The following LRP1B variants were observed in gnomAD, a reference collection of about 807,000 sequenced individuals.
LRP1B encodes low-density lipoprotein receptor-related protein 1B.
A neutral mutation model predicts 556.6 loss-of-function variants in LRP1B; 217 were observed. That is an observed-to-expected ratio of 0.39 (90% CI 0.35 to 0.44). The LOEUF (loss-of-function observed/expected upper bound fraction) is 0.44. Ranked by LOEUF, LRP1B falls within the 20% of genes least tolerant of loss-of-function variation. LRP1B has a pLI of 1.00. For synonymous variants in LRP1B, 2,047 were observed against 1,865.8 expected (o/e 1.10, Z -2.50); for missense variants, 5,053 against 5,620.8 (o/e 0.90, Z 3.23).
At chr2:142,069,994 C>T (rs1414977120) in intron 1 of LRP1B, among the ~76,000 whole-genome samples, 1 of 151,704 alleles carries the variant, frequency 6.6e-6, no homozygotes. Context: ...AGTGAGCCAT[C>T]ATAATTTAAT....
chr2:141,526,533 A>G (rs896555071), intron 2 of LRP1B, among the ~76,000 whole-genome samples: 2 of 152,002 alleles, frequency 1.3e-5, no homozygotes, highest in African/African-American at 2.4e-5. Context: ...TTTCCATTTT[A>G]TTCTTCCTCT....
intron 2 of LRP1B, among the ~76,000 whole-genome samples, chr2:141,493,794 G>A (rs958381474): frequency 6.6e-6 from 1 of 152,122 alleles, no homozygotes; most frequent in African/African-American, 2.4e-5. Flanking sequence ...AAACTGCATA[G>A]AGGAACTGTA....
intron 1 of LRP1B, among the ~76,000 whole-genome samples, chr2:142,030,703 A>C (rs1401825514): frequency 6.6e-6 from 1 of 151,842 alleles, no homozygotes; most frequent in African/African-American, 2.4e-5. Flanking sequence ...CAAGTAAAAT[A>C]AAGTTGTCTG....
Position 141,052,213 on chromosome 2 carries a change from C to T in LRP1B, c.1552+2903G>A, listed in dbSNP as rs555017204. On this transcript the variant is annotated intron_variant, in intron 10 of 90. Coordinates refer to ENST00000389484, the MANE Select transcript of LRP1B (RefSeq NM_018557.3). Reference sequence around the variant, plus strand: ...TGCCCTCATAGCCTCTCAGTGTCTACCTGATGTCAAGGGCATTTCTTTTAA... The same window carrying T: ...TGCCCTCATAGCCTCTCAGTGTCTATCTGATGTCAAGGGCATTTCTTTTAA... Among the ~76,000 whole-genome samples the T allele has an allele frequency of 1.8e-3, 267 of 151,984 alleles. 1 individual carries two copies. The highest frequency in any genetic ancestry group is 2.7e-3 in the Admixed American group (41 of 15,228).
At chr2:140,378,352 C>T in intron 67 of LRP1B, 66 bp from the exon 68 acceptor site, 1 of 817,628 alleles carries the variant, frequency 1.2e-6, no homozygotes, top group Non-Finnish European at 2.0e-6. Context: ...ATTTATATGA[C>T]ATATGACATG....
At chr2:140,898,452 G>A (rs1694011594) in intron 23 of LRP1B, 2 of 198,598 alleles carry the variant, frequency 1.0e-5, no homozygotes, top group Non-Finnish European at 2.1e-5. Context: ...GTACTCAAGT[G>A]GAATGGGCAC....
chr2:141,909,385 G>C (rs1042116460), intron 1 of LRP1B, among the ~76,000 whole-genome samples: 1 of 152,010 alleles, frequency 6.6e-6, no homozygotes, highest in Non-Finnish European at 1.5e-5. Context: ...ATGCTTAATT[G>C]TTAGATTCCT....
chr2:141,855,613 A>G (rs945706514), intron 1 of LRP1B, among the ~76,000 whole-genome samples: 1 of 152,112 alleles, frequency 6.6e-6, no homozygotes, highest in African/African-American at 2.4e-5. Context: ...TAATAAGCCT[A>G]TGCCACAATT....
chr2:140,893,126 A>G (rs1362528894), intron 23 of LRP1B, among the ~76,000 whole-genome samples: 1 of 152,132 alleles, frequency 6.6e-6, no homozygotes, highest in Non-Finnish European at 1.5e-5. Flanking sequence ...GGAAGTGAGG[A>G]GTGTAATCAA....
chr2:141,001,647 A>T (rs1487426851), intron 15 of LRP1B, among the ~76,000 whole-genome samples: 1 of 152,082 alleles, frequency 6.6e-6, no homozygotes, highest in African/African-American at 2.4e-5. Flanking sequence ...CCTGCGGCAC[A>T]GACTATAAGG....
intron 77 of LRP1B, among the ~76,000 whole-genome samples, chr2:140,343,446 C>T (rs948152134): frequency 7.3e-5 from 11 of 151,368 alleles, no homozygotes; most frequent in African/African-American, 2.4e-4. Context: ...TGAAGATGAC[C>T]GCTAAGACAT....
intron 41 of LRP1B, among the ~76,000 whole-genome samples, chr2:140,643,143 AAATG>A (rs1426783766): frequency 6.6e-6 from 1 of 152,172 alleles, no homozygotes; most frequent in African/African-American, 2.4e-5. Flanking sequence ...ATTATAAAAT[AAATG>A]AAATTGTTCC....
At chr2:140,415,789 C>A (rs922491973) in intron 66 of LRP1B, among the ~76,000 whole-genome samples, 1 of 151,918 alleles carries the variant, frequency 6.6e-6, no homozygotes, top group Non-Finnish European at 1.5e-5. Flanking sequence ...ACTCTCTTGT[C>A]TTTTGCCACA....
At chr2:141,123,299 C>A (rs75681703) in intron 7 of LRP1B, among the ~76,000 whole-genome samples, 1 of 150,304 alleles carries the variant, frequency 6.7e-6, no homozygotes, top group South Asian at 2.1e-4. Flanking sequence ...ACAACAGTTT[C>A]TTTGCTTTGG....
intron 3 of LRP1B, among the ~76,000 whole-genome samples, chr2:141,342,367 C>T (rs1573831921): frequency 6.6e-6 from 1 of 151,838 alleles, no homozygotes; most frequent in African/African-American, 2.4e-5. Context: ...TCTATAACTA[C>T]TCACAACTTT....
intron 37 of LRP1B, among the ~76,000 whole-genome samples, chr2:140,711,339 A>T (rs1385704333): frequency 2.6e-5 from 4 of 151,900 alleles, no homozygotes; most frequent in African/African-American, 9.7e-5. Context: ...TGCTCCAGGG[A>T]CCTACCTAGA....
intron 25 of LRP1B, among the ~76,000 whole-genome samples, chr2:140,878,233 C>T (rs10204820): frequency 0.84 from 127,103 of 151,690 alleles, 53,654 homozygotes; most frequent in Non-Finnish European, 0.89. Context: ...AAAGTGTAAA[C>T]AACTCAAATA....
intron 90 of LRP1B, among the ~76,000 whole-genome samples, chr2:140,234,057 T>A (rs2104872796): frequency 6.6e-6 from 1 of 151,404 alleles, no homozygotes; most frequent in Admixed American, 6.6e-5. Context: ...TGCCTAGTGT[T>A]TGTTTTCCTT....
At chr2:141,242,103 A>G (rs1683899584) in intron 5 of LRP1B, among the ~76,000 whole-genome samples, 1 of 152,118 alleles carries the variant, frequency 6.6e-6, no homozygotes, top group Non-Finnish European at 1.5e-5. Context: ...AGATCTTAAT[A>G]TGAGATGCTT....
Sources: gnomAD v4.1 joint callset for allele counts (sites outside exome capture counted in the v4.1 genomes callset) on GRCh38, gnomAD v4.1.1 for gene constraint, MANE v1.5 for transcripts, NCBI Gene and HGNC (gene_info 2026-07-23, HGNC 2026-07-21) for gene names.